The following SMAP1 variants were observed in gnomAD, a reference collection of about 807,000 sequenced individuals.
SMAP1 encodes stromal membrane-associated protein 1.
In SMAP1, 24 loss-of-function variants were observed where a neutral mutation model predicts 58.5. The ratio of observed to expected loss-of-function variants is 0.41; its 90% CI spans 0.30 to 0.58. SMAP1 has a LOEUF of 0.58. SMAP1 is among the 20% of genes least tolerant of loss of function. The pLI is 0.29. For missense variants in SMAP1, 563 were observed against 566.3 expected, an observed-to-expected ratio of 0.99 and a Z score of 0.06; for synonymous variants, 216 against 196.6, an observed-to-expected ratio of 1.10 and a Z score of -0.82.
intron 6 of SMAP1, among the ~76,000 whole-genome samples, chr6:70,817,445 T>TA (rs1239909469): frequency 6.6e-6 from 1 of 152,156 alleles, no homozygotes; most frequent in Non-Finnish European, 1.5e-5. Context: ...TGATACAAAA[T>TA]AGAGTCTTCT....
At chr6:70,846,840 T>G (rs1163227037) in intron 7 of SMAP1, among the ~76,000 whole-genome samples, 1 of 152,142 alleles carries the variant, frequency 6.6e-6, no homozygotes, top group Non-Finnish European at 1.5e-5. Context: ...CTCAAACTGG[T>G]TATAGCAGTT....
intron 1 of SMAP1, among the ~76,000 whole-genome samples, chr6:70,673,654 G>C (rs1202431831): frequency 5.9e-5 from 9 of 152,196 alleles, no homozygotes; most frequent in Non-Finnish European, 1.3e-4. Context: ...TTATATAAGT[G>C]AAAGTCTGAT....
intron 1 of SMAP1, among the ~76,000 whole-genome samples, chr6:70,701,250 T>A (rs1767616017): frequency 6.6e-6 from 1 of 151,804 alleles, no homozygotes; most frequent in Admixed American, 6.6e-5. Flanking sequence ...CTGGCTAATT[T>A]TTTTGTATTT....
At chr6:70,774,042 C>T (rs984155254) in intron 4 of SMAP1, among the ~76,000 whole-genome samples, 1 of 152,076 alleles carries the variant, frequency 6.6e-6, no homozygotes, top group Non-Finnish European at 1.5e-5. Flanking sequence ...AGATACTTAC[C>T]ATTGTGTTAG....
rs1053747825 is a variant in SMAP1 at position 70,826,368 on chromosome 6, T to C, written c.577-10573T>C. 6.6e-4 allele frequency among the ~76,000 whole-genome samples: 101 copies of C among 152,232 alleles called. 1 individual carries two copies. The highest frequency in any genetic ancestry group is 8.8e-5 in the Non-Finnish European group (6 of 68,002). On this transcript the variant is annotated intron_variant, in intron 6 of 10. Coordinates refer to ENST00000370455, the MANE Select transcript of SMAP1 (RefSeq NM_001044305.3). ...GAATGCTGTATCATTAAGCTTGACA[T>C]GGATTCTATGCAAAATTCAAAAGGA...
chr6:70,724,434 G>A (rs1319185092), intron 1 of SMAP1, among the ~76,000 whole-genome samples: 1 of 152,168 alleles, frequency 6.6e-6, no homozygotes, highest in Non-Finnish European at 1.5e-5. Flanking sequence ...GACCTCAGGT[G>A]ATCCGCCTGC....
At chr6:70,824,320 T>C (rs1331681858) in intron 6 of SMAP1, among the ~76,000 whole-genome samples, 1 of 152,138 alleles carries the variant, frequency 6.6e-6, no homozygotes, top group East Asian at 1.9e-4. Context: ...TAGCTATTAT[T>C]ATTATTATTT....
At chr6:70,850,451 T>G (rs1771142284) in intron 7 of SMAP1, among the ~76,000 whole-genome samples, 1 of 152,052 alleles carries the variant, frequency 6.6e-6, no homozygotes, top group African/African-American at 2.4e-5. Flanking sequence ...ACCGTTTTTT[T>G]TCCTTTTATT....
At chr6:70,859,177 A>G (rs141790960) in intron 10 of SMAP1, 100 of 544,896 alleles carry the variant, frequency 1.8e-4, no homozygotes, top group African/African-American at 1.5e-3. Flanking sequence ...ATTTACAAGA[A>G]TATAGGTAAA....
intron 1 of SMAP1, among the ~76,000 whole-genome samples, chr6:70,722,921 T>C (rs1371861358): frequency 6.6e-6 from 1 of 152,182 alleles, no homozygotes; most frequent in Non-Finnish European, 1.5e-5. Context: ...GCTGCAGAGA[T>C]TTTGTTTATG....
At chr6:70,855,867 T>C (rs1358282431) in intron 8 of SMAP1, among the ~76,000 whole-genome samples, 4 of 152,240 alleles carry the variant, frequency 2.6e-5, no homozygotes, top group Admixed American at 6.5e-5. Flanking sequence ...TCTTACATAT[T>C]TGAATTTTTG....
chr6:70,710,609 T>C (rs1768016711), intron 1 of SMAP1, among the ~76,000 whole-genome samples: 1 of 151,764 alleles, frequency 6.6e-6, no homozygotes, highest in Non-Finnish European at 1.5e-5. Flanking sequence ...GAATAGTGAA[T>C]GAATGTGAAG....
At chr6:70,835,290 ATAG>A (rs1765358378) in intron 6 of SMAP1, among the ~76,000 whole-genome samples, 2 of 151,766 alleles carry the variant, frequency 1.3e-5, no homozygotes, top group Admixed American at 6.6e-5. Flanking sequence ...ACACCTGGTA[ATAG>A]TAGGCTAATT....
chr6:70,684,356 T>C (rs776363833), intron 1 of SMAP1, among the ~76,000 whole-genome samples: 11 of 152,152 alleles, frequency 7.2e-5, no homozygotes, highest in Non-Finnish European at 1.6e-4. Context: ...AAAGAGGGCT[T>C]TACTGTGCTT....
chr6:70,671,719 A>G (rs577292998), intron 1 of SMAP1, among the ~76,000 whole-genome samples: 210 of 152,358 alleles, frequency 1.4e-3, no homozygotes, highest in Non-Finnish European at 2.2e-4. Flanking sequence ...GATATTTAAT[A>G]TAATACAACA....
chr6:70,729,489 GTGTGTA>G (rs899179002), intron 1 of SMAP1, among the ~76,000 whole-genome samples: 1 of 150,830 alleles, frequency 6.6e-6, no homozygotes, highest in African/African-American at 2.4e-5. Flanking sequence ...GTGTGTGTGT[GTGTGTA>G]TGTGTGTATG....
At chr6:70,706,752 C>A (rs1767856408) in intron 1 of SMAP1, among the ~76,000 whole-genome samples, 2 of 152,128 alleles carry the variant, frequency 1.3e-5, no homozygotes, top group Non-Finnish European at 2.9e-5. Flanking sequence ...GATGCCCACA[C>A]CATTTTCTGA....
At position 70,773,819 on chromosome 6, in the gene SMAP1, G is replaced by A. The variant is rs190143558; in HGVS notation, c.414+394G>A. Among the ~76,000 whole-genome samples, 12 of 152,236 alleles carry A rather than the reference G, an allele frequency of 7.9e-5. No homozygotes were observed. In the East Asian group the frequency reaches 2.3e-3, roughly 29 times the overall value. ...GGTCCATTGAGAAATGAAACCAGTA[G>A]CCCAGGAATATATTAAAAGATGGCA... On this transcript the variant is annotated intron_variant, in intron 4 of 10. Coordinates refer to ENST00000370455, the MANE Select transcript of SMAP1 (RefSeq NM_001044305.3).
At position 70,861,462 on chromosome 6, in the gene SMAP1, AACAT is replaced by A; in HGVS notation, c.*1133_*1136del. ...AAACATGCAGAACAAATGAAGACAA[AACAT>A]ACATTTTGTACCAACCATCCAATTA... On this transcript the variant is annotated 3_prime_UTR_variant, in exon 11 of 11. Coordinates refer to ENST00000370455, the MANE Select transcript of SMAP1 (RefSeq NM_001044305.3). 1.7e-6 allele frequency: 1 copy of A among 573,362 alleles called. No individual in the cohort carries two copies. Among genetic ancestry groups the A allele is most frequent in the South Asian group, 2.4e-5 (1 of 42,224 alleles). The allele number at this position is 573,362 out of a possible 1,614,324, so 35.5% of individuals were successfully genotyped here.
Sources: gnomAD v4.1 joint callset for allele counts (sites outside exome capture counted in the v4.1 genomes callset) on GRCh38, gnomAD v4.1.1 for gene constraint, MANE v1.5 for transcripts, NCBI Gene and HGNC (gene_info 2026-07-23, HGNC 2026-07-21) for gene names.